Variants in ANXA6 observed in about 807,000 individuals in gnomAD.
ANXA6 encodes the protein annexin A6.
ANXA6 carries 71 observed loss-of-function variants against 95.4 expected under a neutral mutation model. That is an observed-to-expected ratio of 0.74 (90% confidence interval 0.61 to 0.91). The LOEUF (loss-of-function observed/expected upper bound fraction) is 0.91. ANXA6 is among the 40% of genes least tolerant of loss of function. The pLI, the probability that ANXA6 is intolerant of heterozygous loss-of-function variation, is 0.00. For synonymous variants in ANXA6, 289 were observed against 315.9 expected, an observed-to-expected ratio of 0.91 and a Z score of 0.90; for missense variants, 830 against 876.4, an observed-to-expected ratio of 0.95 and a Z score of 0.67.
At chr5:151,141,886 C>G (rs1765847981) in intron 2 of ANXA6, among the ~76,000 whole-genome samples, 1 of 152,202 alleles carries the variant, frequency 6.6e-6, no homozygotes. Flanking sequence ...CAGCGCTCCC[C>G]TTGGCCTTAC....
rs569573547 is a variant in ANXA6 at position 151,147,265 on chromosome 5, T to C, written c.18+619A>G. Among the ~76,000 whole-genome samples, 6 of 152,312 alleles carry C rather than the reference T, an allele frequency of 3.9e-5. No individual in the cohort carries two copies. In the South Asian group the frequency reaches 1.2e-3, roughly 32 times the overall value. ...CCAAATGGGTGTGACAGAGAACATTTCTATATCCAGAGCAGAGAAGTCAAC... is the reference window on the plus strand; with the variant it reads ...CCAAATGGGTGTGACAGAGAACATTCCTATATCCAGAGCAGAGAAGTCAAC... On this transcript the variant is annotated intron_variant, in intron 2 of 25. Transcript: ENST00000354546.
intron 20 of ANXA6, among the ~76,000 whole-genome samples, chr5:151,111,484 A>T (rs1764847560): frequency 6.6e-6 from 1 of 152,252 alleles, no homozygotes; most frequent in South Asian, 2.1e-4. Flanking sequence ...GTTAAAAGTT[A>T]AAAGGCATAT....
chr5:151,108,162 G>T (rs972388805), intron 23 of ANXA6, among the ~76,000 whole-genome samples: 4 of 151,724 alleles, frequency 2.6e-5, no homozygotes, highest in South Asian at 4.2e-4. Context: ...GTGTGTGTGT[G>T]GTGTGTGTGT....
chr5:151,139,429 A>G lies in ANXA6; in HGVS notation c.128T>C (p.Ile43Thr), dbSNP rs377666144. The G allele has an allele frequency of 1.9e-6, 3 of 1,613,398 alleles. No individual in the cohort carries two copies. The African/African-American group carries it at 4.0e-5, about 22-fold the overall frequency. The change falls in exon 4 of 26, where the codon ATA becomes ACA. Residue 43 changes from isoleucine (I) to threonine (T), a missense_variant. Coordinates refer to ENST00000354546, the MANE Select transcript of ANXA6 (RefSeq NM_001155.5). ...MKGFGSDKEAILDIITSRSNR... is the reference protein window; with the variant it reads ...MKGFGSDKEATLDIITSRSNR... ...GCTCCGTGAGGTGATTATGTCCAGT[A>G]TGGCCTCCTTGTCACTGCCTGGAAT... is the stretch of plus-strand genomic sequence containing the variant.
chr5:151,124,398 G>A (rs1290809224), intron 14 of ANXA6, 31 bp from the exon 15 acceptor site: 5 of 1,585,400 alleles, frequency 3.2e-6, no homozygotes, highest in East Asian at 2.3e-5. Context: ...CTCAGCAGGT[G>A]TCTGAAGGCC....
intron 24 of ANXA6, 53 bp downstream of exon 24, chr5:151,105,192 T>C (rs1034695181): frequency 5.3e-6 from 8 of 1,500,480 alleles, no homozygotes; most frequent in Non-Finnish European, 7.4e-6. Flanking sequence ...TGTGTTTGTG[T>C]GTGTATGTAA....
At chr5:151,155,633 C>T (rs1766217349) in intron 1 of ANXA6, 1 of 152,214 alleles carries the variant, frequency 6.6e-6, no homozygotes, top group Non-Finnish European at 1.5e-5. Context: ...TTTGTCGCCA[C>T]CCAGGAAGTA....
Position 151,101,325 on chromosome 5 carries a change from ACCCAACCCCTCC to A in ANXA6, c.*111_*122del. 1 of 430,188 alleles carries A rather than the reference ACCCAACCCCTCC, an allele frequency of 2.3e-6. No individual in the cohort carries two copies. The highest frequency in any genetic ancestry group is 1.8e-5 in the South Asian group (1 of 56,024). The allele number at this position is 430,188 out of a possible 1,614,324, so 26.6% of individuals were successfully genotyped here. On this transcript the variant is annotated 3_prime_UTR_variant, in exon 26 of 26. Coordinates refer to ENST00000354546, the MANE Select transcript of ANXA6 (RefSeq NM_001155.5). ...AAGCTCCACTGAAGATAAGAGCCCA[ACCCAACCCCTCC>A]CCCCACCCCTGCCCCTTCCTTAGTC...
In ANXA6 at chr5:151,136,330, C is replaced by T. The variant is rs576940712; in HGVS notation, c.415G>A (p.Glu139Lys). 3.5e-5 allele frequency: 57 copies of T among 1,613,868 alleles called. No individual in the cohort carries two copies. In the South Asian group the frequency reaches 5.6e-4, roughly 16 times the overall value. Residue 139 changes from glutamate to lysine, a missense_variant, in exon 7 of 26, where the codon GAG becomes AAG. By Grantham distance (56) the Glu-to-Lys change is moderately conservative. Coordinates refer to ENST00000354546, the MANE Select transcript of ANXA6 (RefSeq NM_001155.5). ...ATGATGTCAGCCTCCAGGTCCCGCT[C>T]GTAGGCTGCAGAAAGGAACGCAAGC... ...QLVAAYKDAY[E>K]RDLEADIIGD...
At chr5:151,125,045 T>C (rs1218895836) in intron 14 of ANXA6, among the ~76,000 whole-genome samples, 2 of 152,188 alleles carry the variant, frequency 1.3e-5, no homozygotes, top group Non-Finnish European at 2.9e-5. Context: ...ATAGGCACAC[T>C]CAAAAAATAA....
At chr5:151,130,296 G>A (rs1389094226) in intron 11 of ANXA6, among the ~76,000 whole-genome samples, 1 of 151,396 alleles carries the variant, frequency 6.6e-6, no homozygotes, top group East Asian at 1.9e-4. Flanking sequence ...GTACAGTGGC[G>A]TGATCACATA....
intron 1 of ANXA6, among the ~76,000 whole-genome samples, chr5:151,148,668 G>C (rs1766028571): frequency 2.0e-5 from 3 of 152,216 alleles, no homozygotes; most frequent in Admixed American, 6.5e-5. Flanking sequence ...GCTGAGATAA[G>C]AACTACAGAG....
chr5:151,142,996 C>T lies in ANXA6; in HGVS notation c.19-2753G>A, dbSNP rs901314336. Among the ~76,000 whole-genome samples, 3 of 152,204 alleles carry T rather than the reference C, an allele frequency of 2.0e-5. No homozygotes were observed. In the East Asian group the frequency reaches 5.8e-4, roughly 29 times the overall value. On this transcript the variant is annotated intron_variant, in intron 2 of 25. Coordinates refer to ENST00000354546, the MANE Select transcript of ANXA6 (RefSeq NM_001155.5). ...ATCCACAGCAGCACCAGTCTCCAAT[C>T]CACTTCAGTCATAGGATGTCCCTCC...
intron 18 of ANXA6, among the ~76,000 whole-genome samples, chr5:151,118,351 C>T (rs575642531): frequency 8.6e-5 from 13 of 151,942 alleles, no homozygotes; most frequent in South Asian, 4.2e-4. Context: ...GCCTCGACCT[C>T]CCTGGGCTCA....
chr5:151,125,480 T>G (rs904599842), intron 14 of ANXA6, among the ~76,000 whole-genome samples: 8 of 152,048 alleles, frequency 5.3e-5, no homozygotes, highest in African/African-American at 1.9e-4. Context: ...TGATATACCA[T>G]GAAATTTAAC....
chr5:151,140,318 G>T, intron 2 of ANXA6, 75 bp from the exon 3 acceptor site: 1 of 1,260,170 alleles, frequency 7.9e-7, no homozygotes, highest in Non-Finnish European at 1.1e-6. Context: ...CCTCAGGTCA[G>T]ATGCCTACCC....
chr5:151,129,521 C>T lies in ANXA6; in HGVS notation c.804G>A (p.Gly268=). ...ERLFKAMKGL[G]TRDNTLIRIM... ...TGCGGATCAGGGTGTTGTCCCGAGT[C>T]CCCAGGCCCTGCAAGACAAGTGGGT... is the stretch of plus-strand genomic sequence containing the variant. Residue 268 remains glycine (G), a synonymous_variant, in exon 12 of 26, where the codon GGG becomes GGA. Coordinates refer to ENST00000354546, the MANE Select transcript of ANXA6 (RefSeq NM_001155.5). The T allele has an allele frequency of 6.2e-7, 1 of 1,603,472 alleles. No homozygotes were observed. Among genetic ancestry groups the T allele is most frequent in the Non-Finnish European group, 8.5e-7 (1 of 1,175,034 alleles).
intron 25 of ANXA6, among the ~76,000 whole-genome samples, chr5:151,102,958 T>C (rs1357503198): frequency 6.6e-6 from 1 of 152,174 alleles, no homozygotes; most frequent in Non-Finnish European, 1.5e-5. Context: ...ATTGTACCCT[T>C]AAAACAGGTG....
chr5:151,105,433 G>T (rs757236093), intron 23 of ANXA6, 130 bp from the exon 24 acceptor site: 76 of 775,914 alleles, frequency 9.8e-5, no homozygotes, highest in Non-Finnish European at 1.4e-4. Flanking sequence ...CAACCCCAGG[G>T]TCATGCTCAG....
Sources: allele counts gnomAD v4.1 joint callset (sites outside exome capture counted in the v4.1 genomes callset), GRCh38; gene constraint gnomAD v4.1.1; transcripts MANE v1.5; gene names NCBI Gene and HGNC (gene_info 2026-07-23, HGNC 2026-07-21).